Variants in GALNT2 observed in about 807,000 individuals in gnomAD.
GALNT2 encodes the protein polypeptide N-acetylgalactosaminyltransferase 2.
A neutral mutation model predicts 81.4 loss-of-function variants in GALNT2; 31 were observed. The observed-to-expected ratio is 0.38, with a 90% confidence interval of 0.29 to 0.51. GALNT2 has a LOEUF of 0.51. GALNT2 is among the 20% of genes least tolerant of loss of function. The probability of loss-of-function intolerance (pLI) is 0.87; values close to 1 mark genes in which losing one functional copy is unlikely to be tolerated. For missense variants in GALNT2, 629 were observed against 765.7 expected (o/e 0.82, Z 2.11); for synonymous variants, 303 against 287.4 (o/e 1.05, Z -0.55).
At position 230,124,931 on chromosome 1, in the gene GALNT2, C is replaced by G. The variant is rs561057534; in HGVS notation, c.127-53287C>G. Among the ~76,000 whole-genome samples, 19 of 152,326 alleles carry G rather than the reference C, an allele frequency of 1.2e-4. No homozygotes were observed. In the South Asian group the frequency reaches 3.7e-3, roughly 30 times the overall value. Reference sequence around the variant, plus strand: ...TGTGCACTAATCAGCCCTCCAAACACTGGAGGAGCACACCCTGGTGTCTGC... The same window carrying G: ...TGTGCACTAATCAGCCCTCCAAACAGTGGAGGAGCACACCCTGGTGTCTGC... On this transcript the variant is annotated intron_variant, in intron 1 of 15. Transcript: ENST00000366672.
Position 230,067,344 on chromosome 1 carries a change from T to A in GALNT2, c.64T>A (p.Tyr22Asn). Residue 22 changes from tyrosine to asparagine, a missense_variant, in exon 1 of 16, where the codon TAC (tyrosine) becomes AAC (asparagine). Physicochemically the swap from Tyr to Asn is moderately radical, Grantham distance 143 (BLOSUM62 -2). This residue lies in a region of GALNT2 where 62 missense variants were observed against 47.3 expected (regional missense o/e 1.31). Coordinates refer to ENST00000366672, the MANE Select transcript of GALNT2 (RefSeq NM_004481.5). ...AFLWVLGIAY[Y>N]MYSGGGSALA... The stretch of plus-strand genomic sequence containing the variant: ...CCTGTGGGTGCTGGGCATCGCCTAC[T>A]ACATGTACTCGGGGGGCGGCTCTGC... 7.3e-7 allele frequency: 1 copy of A among 1,378,796 alleles called. No individual in the cohort carries two copies. The highest frequency in any genetic ancestry group is 9.5e-7 in the Non-Finnish European group (1 of 1,053,272). The allele number at this position is 1,378,796 out of a possible 1,614,324, so 85.4% of individuals were successfully genotyped here.
At chr1:230,174,609 ACTC>A (rs1024992330) in intron 1 of GALNT2, among the ~76,000 whole-genome samples, 1 of 143,540 alleles carries the variant, frequency 7.0e-6, no homozygotes, top group Non-Finnish European at 1.5e-5. Context: ...TCCCCTTCGC[ACTC>A]CTCCTGCTGC....
At position 230,275,680 on chromosome 1, in the gene GALNT2, A is replaced by G. The variant is rs1666280817; in HGVS notation, c.1560+1116A>G. ...CAACATATATACATGCCACATGTAT[A>G]CATATGTAAACACCACATATATATA... On this transcript the variant is annotated intron_variant, in intron 15 of 15. Coordinates refer to ENST00000366672, the MANE Select transcript of GALNT2 (RefSeq NM_004481.5). This position sits in a 1 kb window ranked among gnomAD's most constrained non-coding sequence, Gnocchi z 5.5. Among the ~76,000 whole-genome samples the G allele has an allele frequency of 7.1e-6, 1 of 140,906 alleles. No individual in the cohort carries two copies. Among genetic ancestry groups the G allele is most frequent in the Non-Finnish European group, 1.5e-5 (1 of 65,900 alleles). The allele number at this position is 140,906 out of a possible 152,430, so 92.4% of individuals were successfully genotyped here.
chr1:230,182,327 T>G (rs1003024979), intron 2 of GALNT2, among the ~76,000 whole-genome samples: 2 of 152,206 alleles, frequency 1.3e-5, no homozygotes, highest in South Asian at 2.1e-4. Context: ...AGATGATTGC[T>G]TTTAGATCTT....
At chr1:230,092,434 C>T (rs1660121097) in intron 1 of GALNT2, among the ~76,000 whole-genome samples, 1 of 151,292 alleles carries the variant, frequency 6.6e-6, no homozygotes, top group Non-Finnish European at 1.5e-5. Flanking sequence ...ACCTCTGCCT[C>T]CCGGGTTCAA....
chr1:230,160,712 T>TAAA (rs199499746), intron 1 of GALNT2, among the ~76,000 whole-genome samples: 1 of 141,870 alleles, frequency 7.0e-6, no homozygotes, highest in South Asian at 2.5e-4. Flanking sequence ...AGACTCCATC[T>TAAA]AAAAAAAAAA....
intron 1 of GALNT2, among the ~76,000 whole-genome samples, chr1:230,080,526 G>A (rs953643885): frequency 2.6e-5 from 4 of 152,150 alleles, no homozygotes; most frequent in African/African-American, 4.8e-5. Context: ...CCATACTGGG[G>A]GCTTTGGAAA....
chr1:230,151,335 A>T (rs554993524), intron 1 of GALNT2, among the ~76,000 whole-genome samples: 82 of 152,226 alleles, frequency 5.4e-4, no homozygotes, highest in African/African-American at 1.9e-3. Context: ...CACACCCGTG[A>T]CAGGGTGATG....
chr1:230,122,834 G>C (rs1207354306), intron 1 of GALNT2, among the ~76,000 whole-genome samples: 1 of 152,138 alleles, frequency 6.6e-6, no homozygotes, highest in African/African-American at 2.4e-5. Context: ...ATGTCTGCAC[G>C]TACTCCTGGG....
chr1:230,174,955 T>C (rs1222799199), intron 1 of GALNT2, among the ~76,000 whole-genome samples: 1 of 152,212 alleles, frequency 6.6e-6, no homozygotes, highest in African/African-American at 2.4e-5. Context: ...GGGGGCCCTG[T>C]TCTACGCGGG....
chr1:230,178,213 C>T lies in GALNT2; in HGVS notation c.127-5C>T, dbSNP rs748044419. The stretch of plus-strand genomic sequence containing the variant: ...TCAACTCATTCAGTGTCTTTGTTCC[C>T]CTAGGAGGACTGGAATGAAATTGAC... On this transcript the variant is annotated splice_polypyrimidine_tract_variant and splice_region_variant and intron_variant, in intron 1 of 15. Transcript: ENST00000366672. 4 of 1,610,062 alleles carry T rather than the reference C, an allele frequency of 2.5e-6. No homozygotes were observed. Among genetic ancestry groups the T allele is most frequent in the Admixed American group, 1.7e-5 (1 of 59,938 alleles).
Position 230,178,254 on chromosome 1 carries a change from G to T in GALNT2, c.163G>T (p.Asp55Tyr), listed in dbSNP as rs1312064338. ...WNEIDPIKKK[D>Y]LHHSNGEEKA... ...TGAAATTGACCCCATTAAAAAGAAA[G>T]ACCTTCATCACAGCAATGGAGAAGA... is the stretch of plus-strand genomic sequence containing the variant. Residue 55 changes from aspartate (D) to tyrosine (Y), a missense_variant, in exon 2 of 16, where the codon GAC (aspartate) becomes TAC (tyrosine). Physicochemically the swap from Asp to Tyr is radical, Grantham distance 160. Around this residue, in one of 3 missense-constraint regions of GALNT2, gnomAD observed 360 missense variants for 492.8 expected, o/e 0.73. Coordinates refer to ENST00000366672, the MANE Select transcript of GALNT2 (RefSeq NM_004481.5). 2 of 1,614,088 alleles carry T rather than the reference G, an allele frequency of 1.2e-6. No individual in the cohort carries two copies. Among genetic ancestry groups the T allele is most frequent in the East Asian group, 2.2e-5 (1 of 44,878 alleles).
chr1:230,218,428 G>C (rs953170984), intron 3 of GALNT2, among the ~76,000 whole-genome samples: 1 of 152,138 alleles, frequency 6.6e-6, no homozygotes, highest in African/African-American at 2.4e-5. Context: ...TAGCTCCTTC[G>C]TGATATAAGT....
At chr1:230,239,388 G>A (rs1390948916) in intron 6 of GALNT2, among the ~76,000 whole-genome samples, 1 of 152,166 alleles carries the variant, frequency 6.6e-6, no homozygotes, top group Non-Finnish European at 1.5e-5. Context: ...GAGGAGCAGG[G>A]AAGCCAGTCC....
At chr1:230,138,975 A>G (rs555664773) in intron 1 of GALNT2, among the ~76,000 whole-genome samples, 7 of 152,200 alleles carry the variant, frequency 4.6e-5, no homozygotes, top group Admixed American at 4.6e-4. Flanking sequence ...GAGAACGCCT[A>G]ACCTCCTGGG....
rs1419448980 is a variant in GALNT2 at position 230,279,460 on chromosome 1, A to G, written c.*2A>G. 1 of 1,612,844 alleles carries G rather than the reference A, an allele frequency of 6.2e-7. No homozygotes were observed. Among genetic ancestry groups the G allele is most frequent in the African/African-American group, 1.3e-5 (1 of 74,922 alleles). Reference sequence around the variant, plus strand: ...TTCACGCTCAACCTGCAGCAGTAGGAGGGTCCGGGAGGCCCTGCCGTCCTG... The same window carrying G: ...TTCACGCTCAACCTGCAGCAGTAGGGGGGTCCGGGAGGCCCTGCCGTCCTG... On this transcript the variant is annotated 3_prime_UTR_variant, in exon 16 of 16. Transcript: ENST00000366672. The surrounding 1 kb of genome is among the most constrained non-coding windows in gnomAD (Gnocchi z 4.6).
rs200496299 is a variant in GALNT2 at position 230,203,305 on chromosome 1, A to G, written c.374+15A>G. 1.4e-5 allele frequency: 23 copies of G among 1,610,326 alleles called. No homozygotes were observed. The highest frequency in any genetic ancestry group is 1.3e-5 in the Non-Finnish European group (15 of 1,177,022). On this transcript the variant is annotated intron_variant, in intron 3 of 15. Transcript: ENST00000366672. ...CGGCATGACCAGTAAGTACCCCACT[A>G]AGCACCTGCTGCAGCTTCATTTGCT...
rs750232642 is a variant in GALNT2 at position 230,279,474 on chromosome 1, C to T, written c.*16C>T. On this transcript the variant is annotated 3_prime_UTR_variant, in exon 16 of 16. Coordinates refer to ENST00000366672, the MANE Select transcript of GALNT2 (RefSeq NM_004481.5). The surrounding 1 kb of genome is among the most constrained non-coding windows in gnomAD (Gnocchi z 4.6). ...GCAGCAGTAGGAGGGTCCGGGAGGC[C>T]CTGCCGTCCTGTCTCCTGCACCATT... is the stretch of plus-strand genomic sequence containing the variant. 1.1e-5 allele frequency: 18 copies of T among 1,611,358 alleles called. No individual in the cohort carries two copies. Among genetic ancestry groups the T allele is most frequent in the Non-Finnish European group, 9.3e-6 (11 of 1,178,464 alleles).
intron 13 of GALNT2, chr1:230,264,506 A>G (rs1665974157): frequency 6.6e-6 from 1 of 152,350 alleles, no homozygotes; most frequent in Admixed American, 6.5e-5. Flanking sequence ...CTGGCTGGCA[A>G]ATCTGCTTCC....
Sources: gnomAD v4.1 joint callset for allele counts (sites outside exome capture counted in the v4.1 genomes callset) on GRCh38, gnomAD v4.1.1 for gene constraint, gnomAD v4.1.1 regional missense constraint, Gnocchi (gnomAD v3.1) non-coding constraint, MANE v1.5 for transcripts, NCBI Gene and HGNC (gene_info 2026-07-23, HGNC 2026-07-21) for gene names.